TSHZ2: variants seen among roughly 807,000 people sequenced by gnomAD.
The protein encoded by TSHZ2 is teashirt homolog 2.
In TSHZ2, 21 loss-of-function variants were observed where a neutral mutation model predicts 74.4. The ratio of observed to expected loss-of-function variants is 0.28; its 90% CI spans 0.20 to 0.41. The LOEUF is 0.41. Ranked by LOEUF, TSHZ2 falls within the 10% of genes least tolerant of loss-of-function variation. The pLI, the probability that TSHZ2 is intolerant of heterozygous loss-of-function variation, is 1.00. For synonymous variants in TSHZ2, 540 were observed against 515.3 expected, an observed-to-expected ratio of 1.05 and a Z score of -0.65; for missense variants, 1,244 against 1,293.5, an observed-to-expected ratio of 0.96 and a Z score of 0.59.
intron 2 of TSHZ2, among the ~76,000 whole-genome samples, chr20:53,375,758 G>T (rs1981636479): frequency 6.6e-6 from 1 of 152,146 alleles, no homozygotes; most frequent in African/African-American, 2.4e-5. Context: ...AAACATTCTT[G>T]TGTGCATCAA....
chr20:53,416,139 G>A (rs1419230136), intron 2 of TSHZ2, among the ~76,000 whole-genome samples: 2 of 152,170 alleles, frequency 1.3e-5, no homozygotes, highest in African/African-American at 4.8e-5. Context: ...GCCATGTGAG[G>A]CCACTGCCAT....
chr20:53,394,326 T>C (rs60057844), intron 2 of TSHZ2, among the ~76,000 whole-genome samples: 1,985 of 152,272 alleles, frequency 0.013, 38 homozygotes, highest in African/African-American at 0.045. Flanking sequence ...AAGAAAACAA[T>C]AATTACTCAA....
chr20:53,096,651 G>C lies in TSHZ2; in HGVS notation c.40+123318G>C, dbSNP rs143431717. Among the ~76,000 whole-genome samples the C allele has an allele frequency of 5.2e-3, 785 of 152,120 alleles. 9 individuals are homozygous for C. Among genetic ancestry groups the C allele is most frequent in the African/African-American group, 0.018 (727 of 41,502 alleles). On this transcript the variant is annotated intron_variant, in intron 1 of 2. Coordinates refer to ENST00000371497, the MANE Select transcript of TSHZ2 (RefSeq NM_173485.6). ...TAATCCTAGCACTTTGGGAGGCCGA[G>C]GGGGGTGGATCACCTGAGGTAAGGA...
intron 2 of TSHZ2, among the ~76,000 whole-genome samples, chr20:53,403,263 A>G (rs920726920): frequency 6.6e-6 from 1 of 152,102 alleles, no homozygotes; most frequent in Non-Finnish European, 1.5e-5. Context: ...ATAGTATTCC[A>G]TGGTGTAAAA....
At chr20:53,040,434 G>A (rs1260960063) in intron 1 of TSHZ2, among the ~76,000 whole-genome samples, 2 of 152,120 alleles carry the variant, frequency 1.3e-5, no homozygotes, top group Non-Finnish European at 2.9e-5. Context: ...GGTGTCAAAT[G>A]CAATGGGAGC....
rs375620951 is a variant in TSHZ2, at chr20:53,410,000, CCA to C, written c.*9-77140_*9-77139del. Among the ~76,000 whole-genome samples, 78 of 151,926 alleles carry C rather than the reference CCA, an allele frequency of 5.1e-4. No homozygotes were observed. The South Asian group carries it at 0.016, about 31-fold the overall frequency. On this transcript the variant is annotated intron_variant, in intron 2 of 2. Transcript: ENST00000371497. ...TACCTGGGATTACAGGTGCATGCTA[CCA>C]CACCTGGCTAATTTTTGTATTTTTA...
At chr20:53,005,099 G>T (rs1046786567) in intron 1 of TSHZ2, among the ~76,000 whole-genome samples, 3 of 152,118 alleles carry the variant, frequency 2.0e-5, no homozygotes, top group Non-Finnish European at 4.4e-5. Context: ...GATCAGTGAG[G>T]TCAGGAGTTC....
At chr20:53,133,167 A>G (rs1987152766) in intron 1 of TSHZ2, among the ~76,000 whole-genome samples, 1 of 152,092 alleles carries the variant, frequency 6.6e-6, no homozygotes, top group Non-Finnish European at 1.5e-5. Context: ...CAACTTGCTC[A>G]CCTTCTTCCA....
intron 2 of TSHZ2, among the ~76,000 whole-genome samples, chr20:53,437,554 G>A (rs549843020): frequency 6.6e-6 from 1 of 152,264 alleles, no homozygotes; most frequent in African/African-American, 2.4e-5. Context: ...CTGGCTCCTG[G>A]GAAGGTCAAG....
chr20:53,182,900 C>T (rs16997717), intron 1 of TSHZ2, among the ~76,000 whole-genome samples: 7,900 of 152,168 alleles, frequency 0.052, 300 homozygotes, highest in East Asian at 0.1. Context: ...AATGAAGTCA[C>T]CTCATGGCGT....
chr20:53,024,345 G>A (rs865972849), intron 1 of TSHZ2, among the ~76,000 whole-genome samples: 3 of 151,014 alleles, frequency 2.0e-5, no homozygotes, highest in Middle Eastern at 3.4e-3. Context: ...TCCTTCATTG[G>A]ATGAACCTTT....
intron 2 of TSHZ2, among the ~76,000 whole-genome samples, chr20:53,376,588 C>A (rs1462223967): frequency 1.3e-5 from 2 of 152,354 alleles, no homozygotes; most frequent in East Asian, 3.9e-4. Flanking sequence ...GTCTCTTATG[C>A]AGTTGCTTGG....
intron 1 of TSHZ2, among the ~76,000 whole-genome samples, chr20:53,112,274 G>T (rs1721688180): frequency 6.6e-6 from 1 of 152,150 alleles, no homozygotes; most frequent in Admixed American, 6.5e-5. Flanking sequence ...CTGGACTTCA[G>T]TTAACAAAAC....
In TSHZ2 at chr20:53,450,848, G is replaced by T. The variant is rs966354859; in HGVS notation, c.*9-36296G>T. Among the ~76,000 whole-genome samples, 28 of 152,186 alleles carry T rather than the reference G, an allele frequency of 1.8e-4. No homozygotes were observed. The East Asian group carries it at 2.7e-3, about 15-fold the overall frequency. ...CCACATTTTTCTTTCTAGTACCTAT[G>T]CAGGCTGCCAGGAAAAGAAAAACAA... On this transcript the variant is annotated intron_variant, in intron 2 of 2. Coordinates refer to ENST00000371497, the MANE Select transcript of TSHZ2 (RefSeq NM_173485.6).
intron 2 of TSHZ2, among the ~76,000 whole-genome samples, chr20:53,261,854 A>G (rs1484381967): frequency 6.6e-6 from 1 of 152,214 alleles, no homozygotes; most frequent in Non-Finnish European, 1.5e-5. Context: ...TTATGTCTTT[A>G]AAATACATTT....
intron 1 of TSHZ2, among the ~76,000 whole-genome samples, chr20:53,025,298 G>T (rs1395136401): frequency 6.6e-6 from 1 of 151,924 alleles, no homozygotes; most frequent in African/African-American, 2.4e-5. Flanking sequence ...CATAATTTTT[G>T]AAGATCTTGG....
intron 2 of TSHZ2, among the ~76,000 whole-genome samples, chr20:53,328,438 C>G (rs1979585426): frequency 6.6e-6 from 1 of 152,188 alleles, no homozygotes; most frequent in Non-Finnish European, 1.5e-5. Context: ...TATTCCTGAG[C>G]TACTCACATT....
Position 53,149,817 on chromosome 20 carries a change from G to A in TSHZ2, c.41-103682G>A, listed in dbSNP as rs138805256. On this transcript the variant is annotated intron_variant, in intron 1 of 2. Coordinates refer to ENST00000371497, the MANE Select transcript of TSHZ2 (RefSeq NM_173485.6). ...CCTGCTGGCAGGCTCCTTCTCCAAA[G>A]AGACATTTACAGCATCCTGTTTGCA... Among the ~76,000 whole-genome samples, 422 of 152,318 alleles carry A rather than the reference G, an allele frequency of 2.8e-3. 1 individual carries two copies. Among genetic ancestry groups the A allele is most frequent in the African/African-American group, 8.7e-3 (362 of 41,568 alleles).
chr20:53,390,065 G>A (rs1982194700), intron 2 of TSHZ2, among the ~76,000 whole-genome samples: 1 of 152,206 alleles, frequency 6.6e-6, no homozygotes, highest in Non-Finnish European at 1.5e-5. Flanking sequence ...AGGGTGGGGA[G>A]GCAGCAGAGA....
Sources: gnomAD v4.1 joint callset for allele counts (sites outside exome capture counted in the v4.1 genomes callset) on GRCh38, gnomAD v4.1.1 for gene constraint, MANE v1.5 for transcripts, NCBI Gene and HGNC (gene_info 2026-07-23, HGNC 2026-07-21) for gene names.